TSEN2: variants seen among roughly 807,000 people sequenced by gnomAD.
TSEN2 encodes the protein tRNA splicing endonuclease subunit 2, also known as tRNA-splicing endonuclease subunit Sen2.
A neutral mutation model predicts 59.2 loss-of-function variants in TSEN2; 54 were observed. The observed-to-expected ratio is 0.91, with a 90% CI of 0.73 to 1.14. The LOEUF is 1.14. Among genes scored for constraint, TSEN2 ranks in the 50% most tolerant of loss-of-function variants. The probability of loss-of-function intolerance (pLI) is 0.00; values close to 1 mark genes in which losing one functional copy is unlikely to be tolerated. For synonymous variants in TSEN2, 195 were observed against 198.2 expected (o/e 0.98, Z 0.14); for missense variants, 636 against 576.2 (o/e 1.10, Z -1.06).
chr3:12,531,355 C>T (rs892100974), intron 10 of TSEN2: 2 of 567,962 alleles, frequency 3.5e-6, no homozygotes, highest in African/African-American at 1.9e-5. Flanking sequence ...CTGCTTATAT[C>T]TGTTGCCATG....
chr3:12,522,794 T>C (rs534174763), intron 8 of TSEN2, among the ~76,000 whole-genome samples: 1 of 152,194 alleles, frequency 6.6e-6, no homozygotes, highest in South Asian at 2.1e-4. Flanking sequence ...AGAGGTGATA[T>C]GGTTCTCAAA....
At chr3:12,516,269 AC>A (rs2125135552) in intron 6 of TSEN2, among the ~76,000 whole-genome samples, 1 of 152,216 alleles carries the variant, frequency 6.6e-6, no homozygotes. Context: ...TGAAAAAAAT[AC>A]AAAAAATTAG....
At chr3:12,523,885 A>C (rs2056870836) in intron 8 of TSEN2, among the ~76,000 whole-genome samples, 1 of 151,894 alleles carries the variant, frequency 6.6e-6, no homozygotes, top group Non-Finnish European at 1.5e-5. Context: ...TTTCTAGTCA[A>C]ACTTTTGATA....
chr3:12,489,447 C>G (rs1269528076), intron 1 of TSEN2, among the ~76,000 whole-genome samples: 2 of 152,126 alleles, frequency 1.3e-5, no homozygotes, highest in African/African-American at 4.8e-5. Flanking sequence ...TGGAAGCACT[C>G]CTGGTAGACA....
upstream of TSEN2, among the ~76,000 whole-genome samples, chr3:12,480,573 C>T (rs1232911142): frequency 1.4e-5 from 2 of 145,218 alleles, no homozygotes; most frequent in African/African-American, 5.2e-5. Context: ...CTCTGTCGCC[C>T]AGGCTGGAGT....
At chr3:12,509,330 G>A (rs760375314) in intron 6 of TSEN2, among the ~76,000 whole-genome samples, 1 of 151,866 alleles carries the variant, frequency 6.6e-6, no homozygotes, top group Non-Finnish European at 1.5e-5. Context: ...CCTCCTGGTA[G>A]CTGGAACTAC....
chr3:12,481,157 A>G (rs2052189219), upstream of TSEN2, among the ~76,000 whole-genome samples: 1 of 152,218 alleles, frequency 6.6e-6, no homozygotes, highest in African/African-American at 2.4e-5. Context: ...GTATATCCCA[A>G]ATATTACTTG....
At position 12,503,792 on chromosome 3, in the gene TSEN2, G is replaced by C. The variant is rs747189328; in HGVS notation, c.831+8G>C. 4 of 1,613,234 alleles carry C rather than the reference G, an allele frequency of 2.5e-6. No individual in the cohort carries two copies. In the African/African-American group the frequency reaches 5.3e-5, roughly 22 times the overall value. ...GCTGCCCCAAATGAGGAAGTAAGTA[G>C]AAGAAAATAAATCGCTTCCTCCAAA... On this transcript the variant is annotated splice_region_variant and intron_variant, in intron 5 of 11. Transcript: ENST00000284995.
At chr3:12,497,354 C>T (rs2053855962) in intron 4 of TSEN2, among the ~76,000 whole-genome samples, 1 of 152,214 alleles carries the variant, frequency 6.6e-6, no homozygotes, top group Non-Finnish European at 1.5e-5. Context: ...TTTTGTTCAT[C>T]TTGCTTCTGG....
intron 4 of TSEN2, among the ~76,000 whole-genome samples, chr3:12,499,142 A>G (rs1299951478): frequency 6.6e-6 from 1 of 152,156 alleles, no homozygotes; most frequent in African/African-American, 2.4e-5. Context: ...TTCCAATAAT[A>G]GTCGTCCTTG....
intron 4 of TSEN2, among the ~76,000 whole-genome samples, chr3:12,497,066 T>A (rs2053823287): frequency 6.6e-6 from 1 of 152,210 alleles, no homozygotes; most frequent in Non-Finnish European, 1.5e-5. Context: ...CTCCTGGGTT[T>A]CTTTCCTTAC....
rs777378178 is a variant in TSEN2, at chr3:12,489,905, A to G, written c.105A>G (p.Lys35=). 1.2e-6 allele frequency: 2 copies of G among 1,614,206 alleles called. No individual in the cohort carries two copies. Among genetic ancestry groups the G allele is most frequent in the Admixed American group, 3.3e-5 (2 of 60,030 alleles). The part of the protein sequence containing the change: ...IPFGQDHGPL[K]EFKIFRAEMI... ...TTGGTCAGGACCATGGTCCTCTGAA[A>G]GAATTCAAGATATTCCGTGCTGAAA... The change falls in exon 2 of 12, where the codon AAA becomes AAG. Residue 35 remains lysine, a synonymous_variant. Coordinates refer to ENST00000284995, the MANE Select transcript of TSEN2 (RefSeq NM_025265.4).
At chr3:12,489,664 A>T in intron 1 of TSEN2, 120 bp from the exon 2 acceptor site, 1 of 775,820 alleles carries the variant, frequency 1.3e-6, no homozygotes, top group Non-Finnish European at 2.1e-6. Context: ...CTTTATAAAT[A>T]CTCTATTTCT....
chr3:12,487,582 C>T (rs967422574), intron 1 of TSEN2, among the ~76,000 whole-genome samples: 3 of 152,142 alleles, frequency 2.0e-5, no homozygotes, highest in African/African-American at 7.2e-5. Context: ...CCATAAAAGT[C>T]CAAACCATTC....
intron 1 of TSEN2, among the ~76,000 whole-genome samples, chr3:12,486,713 C>T (rs936267918): frequency 1.3e-5 from 2 of 148,260 alleles, no homozygotes; most frequent in African/African-American, 4.9e-5. Context: ...TTAGCAGTCG[C>T]CCCCCCATTT....
At position 12,489,955 on chromosome 3, in the gene TSEN2, G is replaced by T; in HGVS notation, c.155G>T (p.Arg52Met). ...AEMINNNVIVRNAEDIEQLYG... is the reference protein window; with the variant it reads ...AEMINNNVIVMNAEDIEQLYG... The stretch of plus-strand genomic sequence containing the variant: ...ATGATTAACAACAATGTGATTGTGA[G>T]GAATGCGGAGGACATTGAGCAGCTC... Residue 52 changes from arginine (R) to methionine (M), a missense_variant, in exon 2 of 12, where the codon AGG (arginine) becomes ATG (methionine). Transcript: ENST00000284995. 1 of 1,614,170 alleles carries T rather than the reference G, an allele frequency of 6.2e-7. No individual in the cohort carries two copies. Among genetic ancestry groups the T allele is most frequent in the Non-Finnish European group, 8.5e-7 (1 of 1,180,030 alleles).
chr3:12,538,383 A>C (rs1173488434), downstream of TSEN2, among the ~76,000 whole-genome samples: 3 of 152,186 alleles, frequency 2.0e-5, no homozygotes, highest in Non-Finnish European at 4.4e-5. Flanking sequence ...TGGTTGGTTA[A>C]AGTTTGAGCA....
downstream of TSEN2, among the ~76,000 whole-genome samples, chr3:12,536,741 C>T (rs1289266984): frequency 6.6e-6 from 1 of 152,052 alleles, no homozygotes; most frequent in Non-Finnish European, 1.5e-5. Flanking sequence ...TGGCTCATGC[C>T]TATAATCCTA....
In TSEN2 at chr3:12,530,072, A is replaced by G. The variant is rs2057367563; in HGVS notation, c.1248+199A>G. The G allele has an allele frequency of 3.5e-6, 5 of 1,426,788 alleles. No homozygotes were observed. In the East Asian group the frequency reaches 1.0e-4, roughly 29 times the overall value. The allele number at this position is 1,426,788 out of a possible 1,614,324, so 88.4% of individuals were successfully genotyped here. On this transcript the variant is annotated intron_variant, in intron 10 of 11. Coordinates refer to ENST00000284995, the MANE Select transcript of TSEN2 (RefSeq NM_025265.4). ...TTGTCCTCCCCTCATGTTACATTTT[A>G]TTGTCCCCTCCCTCCCAACTGCTGC... is the stretch of plus-strand genomic sequence containing the variant.
Sources: allele counts gnomAD v4.1 joint callset (sites outside exome capture counted in the v4.1 genomes callset), GRCh38; gene constraint gnomAD v4.1.1; transcripts MANE v1.5; gene names NCBI Gene and HGNC (gene_info 2026-07-23, HGNC 2026-07-21).